Variants in UBE2E2 observed in about 807,000 individuals in gnomAD.
UBE2E2 encodes the protein ubiquitin-conjugating enzyme E2 E2.
A neutral mutation model predicts 24.7 loss-of-function variants in UBE2E2; 6 were observed. The ratio of observed to expected loss-of-function variants is 0.24; its 90% confidence interval spans 0.13 to 0.48. The LOEUF is 0.48. Ranked by LOEUF, UBE2E2 falls within the 20% of genes least tolerant of loss-of-function variation. The pLI, the probability that UBE2E2 is intolerant of heterozygous loss-of-function variation, is 0.99. For synonymous variants in UBE2E2, 104 were observed against 83.6 expected (o/e 1.24, Z -1.33); for missense variants, 169 against 245.0 (o/e 0.69, Z 2.07).
intron 3 of UBE2E2, among the ~76,000 whole-genome samples, chr3:23,291,905 C>T (rs1205789799): frequency 1.4e-5 from 2 of 139,048 alleles, no homozygotes; most frequent in African/African-American, 5.6e-5. Flanking sequence ...TTGGCCCAGG[C>T]CAGAGTGCAG....
At chr3:23,484,273 C>A (rs1055974081) in intron 3 of UBE2E2, among the ~76,000 whole-genome samples, 1 of 152,190 alleles carries the variant, frequency 6.6e-6, no homozygotes. Context: ...TTTTATGAAG[C>A]CTTTCCCTGG....
chr3:23,372,971 G>T (rs1423167363), intron 3 of UBE2E2, among the ~76,000 whole-genome samples: 2 of 151,974 alleles, frequency 1.3e-5, no homozygotes, highest in Admixed American at 6.6e-5. Flanking sequence ...ATTTCAATGT[G>T]CCCCCTCTCA....
intron 3 of UBE2E2, among the ~76,000 whole-genome samples, chr3:23,380,031 C>T (rs1559367038): frequency 6.9e-6 from 1 of 144,552 alleles, no homozygotes; most frequent in Admixed American, 7.0e-5. Context: ...AGAGCTAAAA[C>T]TGTTACTTTA....
At chr3:23,536,224 ATTATG>A (rs1695260009) in intron 5 of UBE2E2, among the ~76,000 whole-genome samples, 1 of 152,214 alleles carries the variant, frequency 6.6e-6, no homozygotes, top group South Asian at 2.1e-4. Context: ...ATGTGCTTAT[ATTATG>A]GCCTTCAGAC....
intron 3 of UBE2E2, among the ~76,000 whole-genome samples, chr3:23,405,058 G>T (rs956781429): frequency 1.3e-5 from 2 of 152,214 alleles, no homozygotes; most frequent in African/African-American, 4.8e-5. Context: ...ATTGACAGTT[G>T]CTGCTGCTGT....
intron 3 of UBE2E2, among the ~76,000 whole-genome samples, chr3:23,381,529 C>G (rs998693864): frequency 6.6e-6 from 1 of 152,144 alleles, no homozygotes; most frequent in African/African-American, 2.4e-5. Flanking sequence ...GTTAGTCATT[C>G]TGTAAGAGCT....
intron 3 of UBE2E2, among the ~76,000 whole-genome samples, chr3:23,330,388 T>C (rs1695027921): frequency 6.6e-6 from 1 of 152,192 alleles, no homozygotes; most frequent in African/African-American, 2.4e-5. Context: ...AAATAAAGAA[T>C]CCTTACAAAA....
intron 3 of UBE2E2, among the ~76,000 whole-genome samples, chr3:23,468,357 A>C (rs2125431752): frequency 6.6e-6 from 1 of 152,354 alleles, no homozygotes; most frequent in South Asian, 2.1e-4. Flanking sequence ...AGAGCAAAGA[A>C]GACTGTACCT....
At chr3:23,442,320 C>T (rs775023631) in intron 3 of UBE2E2, among the ~76,000 whole-genome samples, 1 of 151,932 alleles carries the variant, frequency 6.6e-6, no homozygotes, top group Non-Finnish European at 1.5e-5. Flanking sequence ...ATGAATCCTG[C>T]TACTGATGGG....
chr3:23,227,548 C>T (rs983632120), intron 3 of UBE2E2, among the ~76,000 whole-genome samples: 22 of 152,158 alleles, frequency 1.4e-4, no homozygotes, highest in African/African-American at 5.3e-4. Context: ...TATTTGTATC[C>T]ATCTCTTTTT....
rs149830791 is a variant in UBE2E2 at position 23,313,357 on chromosome 3, T to C, written c.227+96045T>C. On this transcript the variant is annotated intron_variant, in intron 3 of 5. Coordinates refer to ENST00000396703, the MANE Select transcript of UBE2E2 (RefSeq NM_152653.4). Reference sequence around the variant, plus strand: ...TCTTTGTGTCTTTATAGGTGAAGTGTGTTTCTTGTAGGCAATGGATCATTG... The same window carrying C: ...TCTTTGTGTCTTTATAGGTGAAGTGCGTTTCTTGTAGGCAATGGATCATTG... 2.6e-5 allele frequency among the ~76,000 whole-genome samples: 4 copies of C among 151,802 alleles called. No homozygotes were observed. The East Asian group carries it at 7.7e-4, about 29-fold the overall frequency.
chr3:23,255,148 G>A (rs573152338), intron 3 of UBE2E2, among the ~76,000 whole-genome samples: 5 of 141,776 alleles, frequency 3.5e-5, no homozygotes, highest in African/African-American at 1.1e-4. Context: ...GTGCAGTGGC[G>A]TGATCACAGC....
intron 3 of UBE2E2, among the ~76,000 whole-genome samples, chr3:23,455,678 G>A (rs1268160643): frequency 1.3e-5 from 2 of 152,112 alleles, no homozygotes; most frequent in Non-Finnish European, 2.9e-5. Context: ...GCAACAGAGC[G>A]AGACCCTGTC....
At chr3:23,368,578 T>C (rs1481983333) in intron 3 of UBE2E2, among the ~76,000 whole-genome samples, 1 of 152,204 alleles carries the variant, frequency 6.6e-6, no homozygotes. Flanking sequence ...TTGATAAAAA[T>C]TGGAATAGCC....
chr3:23,346,358 AT>A (rs1297156649), intron 3 of UBE2E2, among the ~76,000 whole-genome samples: 1 of 151,670 alleles, frequency 6.6e-6, no homozygotes, highest in Non-Finnish European at 1.5e-5. Flanking sequence ...CTGGGTACAG[AT>A]TTTGCTTTCA....
At chr3:23,346,024 T>A (rs1303630690) in intron 3 of UBE2E2, among the ~76,000 whole-genome samples, 1 of 152,152 alleles carries the variant, frequency 6.6e-6, no homozygotes, top group Non-Finnish European at 1.5e-5. Flanking sequence ...TATAATCAGT[T>A]CTGTGTGATT....
chr3:23,290,999 T>A (rs887483102), intron 3 of UBE2E2, among the ~76,000 whole-genome samples: 1 of 149,034 alleles, frequency 6.7e-6, no homozygotes, highest in Non-Finnish European at 1.5e-5. Context: ...AGCCTAGGAG[T>A]TCAAGGCTGC....
At chr3:23,297,385 A>G (rs1233381472) in intron 3 of UBE2E2, among the ~76,000 whole-genome samples, 2 of 151,772 alleles carry the variant, frequency 1.3e-5, no homozygotes, top group Admixed American at 1.3e-4. Flanking sequence ...GTCCTTGCCC[A>G]TGCCTATGTC....
intron 3 of UBE2E2, among the ~76,000 whole-genome samples, chr3:23,242,507 C>T (rs989076580): frequency 6.6e-6 from 1 of 151,266 alleles, no homozygotes; most frequent in Admixed American, 6.6e-5. Flanking sequence ...ATCTTCTTTG[C>T]TTCTAAGAAT....
Sources: allele counts gnomAD v4.1 joint callset (sites outside exome capture counted in the v4.1 genomes callset), GRCh38; gene constraint gnomAD v4.1.1; transcripts MANE v1.5; gene names NCBI Gene and HGNC (gene_info 2026-07-23, HGNC 2026-07-21).